Variants in PPARG observed in about 807,000 individuals in gnomAD.
PPARG encodes the protein peroxisome proliferator-activated receptor gamma.
Under a neutral mutation model 39.2 loss-of-function variants are expected in PPARG, and 17 were observed. That is an observed-to-expected ratio of 0.43 (90% CI 0.30 to 0.65). The LOEUF (loss-of-function observed/expected upper bound fraction) is 0.65. PPARG is among the 30% of genes least tolerant of loss of function. PPARG has a pLI of 0.13. For synonymous variants in PPARG, 223 were observed against 215.7 expected (o/e 1.03, Z -0.30); for missense variants, 406 against 585.9 (o/e 0.69, Z 3.17).
rs1480038969 is a variant in PPARG, at chr3:12,360,740, G to A, written c.-8-18964G>A. On this transcript the variant is annotated intron_variant, in intron 2 of 7. Coordinates refer to ENST00000651735, the MANE Select transcript of PPARG (RefSeq NM_138711.6). ...TCTTTTGCTTAGCATTTATTCGTGA[G>A]ATTAATCACACTATTGAATGTAATT... Among the ~76,000 whole-genome samples, 2 of 152,230 alleles carry A rather than the reference G, an allele frequency of 1.3e-5. 1 individual carries two copies. The highest frequency in any genetic ancestry group is 1.3e-4 in the Admixed American group (2 of 15,292).
chr3:12,376,817 C>T (rs1450925035), intron 2 of PPARG, among the ~76,000 whole-genome samples: 1 of 152,120 alleles, frequency 6.6e-6, no homozygotes, highest in Non-Finnish European at 1.5e-5. Context: ...TTAACGAGCA[C>T]CTACTATGAG....
At chr3:12,362,393 C>T (rs1406611103) in intron 2 of PPARG, among the ~76,000 whole-genome samples, 1 of 152,032 alleles carries the variant, frequency 6.6e-6, no homozygotes, top group African/African-American at 2.4e-5. Context: ...GTGGCATGCC[C>T]CTGTAATCCC....
At chr3:12,336,534 T>C (rs1000855480) in intron 2 of PPARG, among the ~76,000 whole-genome samples, 28 of 152,356 alleles carry the variant, frequency 1.8e-4, no homozygotes, top group African/African-American at 6.5e-4. Context: ...TGAAAAAGAT[T>C]AGCTGAACAT....
chr3:12,370,334 A>G (rs966126365), intron 2 of PPARG, among the ~76,000 whole-genome samples: 3 of 151,216 alleles, frequency 2.0e-5, no homozygotes, highest in South Asian at 4.2e-4. Flanking sequence ...GATCATCTCT[A>G]TAGAAGGGGT....
chr3:12,317,865 A>C (rs2047431329), intron 2 of PPARG, among the ~76,000 whole-genome samples: 1 of 152,256 alleles, frequency 6.6e-6, no homozygotes, highest in South Asian at 2.1e-4. Flanking sequence ...CTGTTAATTT[A>C]AATGAATTAT....
chr3:12,377,411 C>G (rs374142770), intron 2 of PPARG, among the ~76,000 whole-genome samples: 42 of 152,216 alleles, frequency 2.8e-4, no homozygotes, highest in African/African-American at 8.4e-4. Context: ...TTTCTATTCT[C>G]AATGTGGGGA....
At chr3:12,371,204 A>T (rs948932318) in intron 2 of PPARG, among the ~76,000 whole-genome samples, 2 of 152,194 alleles carry the variant, frequency 1.3e-5, no homozygotes, top group Non-Finnish European at 1.5e-5. Context: ...GGGAGACAAT[A>T]TTAATATTCT....
chr3:12,298,733 T>C (rs1382468389), intron 1 of PPARG, among the ~76,000 whole-genome samples: 1 of 152,230 alleles, frequency 6.6e-6, no homozygotes, highest in Non-Finnish European at 1.5e-5. Flanking sequence ...AATATTTAGT[T>C]TATAGATCTT....
intron 1 of PPARG, among the ~76,000 whole-genome samples, chr3:12,309,200 G>A (rs1386676639): frequency 6.6e-6 from 1 of 152,142 alleles, no homozygotes; most frequent in African/African-American, 2.4e-5. Context: ...GATACTGATT[G>A]TAAAGTTTGA....
rs1329435104 is a variant in PPARG, at chr3:12,379,929, A to G, written c.218A>G (p.Gln73Arg). 3 of 1,592,354 alleles carry G rather than the reference A, an allele frequency of 1.9e-6. No homozygotes were observed. Among genetic ancestry groups the G allele is most frequent in the Admixed American group, 1.7e-5 (1 of 59,968 alleles). Residue 73 changes from glutamine to arginine, a missense_variant and splice_region_variant, in exon 3 of 8, where the codon CAA (glutamine) becomes CGA (arginine). Gln to Arg is a conservative substitution (Grantham distance 43). Around this residue, in one of 2 missense-constraint regions of PPARG, gnomAD observed 131 missense variants for 127.9 expected, o/e 1.02. Transcript: ENST00000651735. ...TATGACCTGAAACTTCAAGAGTACC[A>G]AAGTATGATGTTTATTTTCACTTTT... is the stretch of plus-strand genomic sequence containing the variant. ...YKYDLKLQEY[Q>R]SAIKVEPASP...
intron 7 of PPARG, among the ~76,000 whole-genome samples, chr3:12,426,159 C>T (rs1171670981): frequency 6.6e-6 from 1 of 152,164 alleles, no homozygotes; most frequent in Admixed American, 6.5e-5. Flanking sequence ...TATCCCGCTC[C>T]ACCATCCTGG....
intron 2 of PPARG, among the ~76,000 whole-genome samples, chr3:12,326,853 C>A (rs1039764795): frequency 6.6e-6 from 1 of 152,076 alleles, no homozygotes; most frequent in African/African-American, 2.4e-5. Context: ...CGGCCATAGA[C>A]GACAACCAAG....
intron 2 of PPARG, among the ~76,000 whole-genome samples, chr3:12,314,059 T>A (rs1250425595): frequency 6.6e-6 from 1 of 152,070 alleles, no homozygotes; most frequent in Admixed American, 6.6e-5. Context: ...GGCGGATCAT[T>A]TGAGGTCAGG....
At chr3:12,363,539 C>G (rs2048921711) in intron 2 of PPARG, among the ~76,000 whole-genome samples, 2 of 152,168 alleles carry the variant, frequency 1.3e-5, no homozygotes, top group Admixed American at 1.3e-4. Flanking sequence ...GTGGCTTTCC[C>G]CCTATGGTAA....
chr3:12,370,897 A>T (rs2049188910), intron 2 of PPARG, among the ~76,000 whole-genome samples: 1 of 152,192 alleles, frequency 6.6e-6, no homozygotes, highest in Non-Finnish European at 1.5e-5. Flanking sequence ...AACCAAGAGG[A>T]GCTGTGGACT....
intron 2 of PPARG, among the ~76,000 whole-genome samples, chr3:12,376,120 T>C (rs2049398164): frequency 6.6e-6 from 1 of 152,092 alleles, no homozygotes; most frequent in South Asian, 2.1e-4. Flanking sequence ...CAGCTAATTT[T>C]GTATTTTTAG....
At chr3:12,345,799 T>C (rs1027028948) in intron 2 of PPARG, among the ~76,000 whole-genome samples, 2 of 152,236 alleles carry the variant, frequency 1.3e-5, no homozygotes, top group Non-Finnish European at 2.9e-5. Context: ...CTACGCTTGC[T>C]GTAGAACCTT....
intron 2 of PPARG, among the ~76,000 whole-genome samples, chr3:12,313,563 A>G (rs2047309208): frequency 6.6e-6 from 1 of 152,208 alleles, no homozygotes; most frequent in South Asian, 2.1e-4. Flanking sequence ...TCAAAATCCG[A>G]GATATTTCTG....
At chr3:12,426,553 GAAGGCTGAAGGGAAAAGAAA>G (rs1001352800) in intron 7 of PPARG, among the ~76,000 whole-genome samples, 2 of 151,852 alleles carry the variant, frequency 1.3e-5, no homozygotes, top group Admixed American at 6.6e-5. Context: ...CAGGGAGGGG[GAAGGCTGAAGGGAAAAGAAA>G]AAGGCTGAAG....
Sources: allele counts gnomAD v4.1 joint callset (sites outside exome capture counted in the v4.1 genomes callset), GRCh38; gene constraint gnomAD v4.1.1; regional missense constraint gnomAD v4.1.1; transcripts MANE v1.5; gene names NCBI Gene and HGNC (gene_info 2026-07-23, HGNC 2026-07-21).